The following IL1RAPL1 variants were observed in gnomAD, a reference collection of about 807,000 sequenced individuals.
IL1RAPL1 encodes the protein interleukin 1 receptor accessory protein like 1, also known as interleukin-1 receptor accessory protein-like 1.
A neutral mutation model predicts 48.4 loss-of-function variants in IL1RAPL1; 3 were observed. That is an observed-to-expected ratio of 0.06 (90% CI 0.03 to 0.16). The LOEUF (loss-of-function observed/expected upper bound fraction) is 0.16. Among genes scored for constraint, IL1RAPL1 ranks in the 10% least tolerant of loss-of-function variants. The pLI is 1.00. For missense variants in IL1RAPL1, 349 were observed against 530.6 expected (o/e 0.66, Z 3.36); for synonymous variants, 185 against 187.7 (o/e 0.99, Z 0.12).
At chrX:29,425,780 G>T (rs1163126847) in intron 5 of IL1RAPL1, among the ~76,000 whole-genome samples, 2 of 109,141 alleles carry the variant, frequency 1.8e-5, no homozygotes, top group Non-Finnish European at 3.8e-5. Flanking sequence ...TTACCATGTT[G>T]CCCAGGCTAA....
At chrX:29,774,695 T>G (rs150145440) in intron 6 of IL1RAPL1, among the ~76,000 whole-genome samples, 3,076 of 111,750 alleles carry the variant, frequency 0.028, 83 homozygotes, top group African/African-American at 0.095. Flanking sequence ...TAGTTAAACC[T>G]TCTCTACCAA....
intron 8 of IL1RAPL1, among the ~76,000 whole-genome samples, chrX:29,938,099 C>T (rs1211901205): frequency 9.0e-6 from 1 of 111,331 alleles, no homozygotes; most frequent in Admixed American, 9.6e-5. Flanking sequence ...GTAGAGTATT[C>T]TAAGTAATGT....
At chrX:28,951,269 TA>T (rs778083709) in intron 2 of IL1RAPL1, among the ~76,000 whole-genome samples, 7 of 107,742 alleles carry the variant, frequency 6.5e-5, no homozygotes, top group African/African-American at 1.0e-4. Flanking sequence ...ACTTAAAGTA[TA>T]AAAAAAAATG....
rs1000392341 is a variant in IL1RAPL1 at position 28,669,347 on chromosome X, A to G, written c.-25+81300A>G. ...AAAATGTAGCCCCAAGGCCGGGCGCAGTGGCTCACACCTGTAATCTCAGCA... is the reference window on the plus strand; with the variant it reads ...AAAATGTAGCCCCAAGGCCGGGCGCGGTGGCTCACACCTGTAATCTCAGCA... On this transcript the variant is annotated intron_variant, in intron 1 of 10. Coordinates refer to ENST00000378993, the MANE Select transcript of IL1RAPL1 (RefSeq NM_014271.4). Among the ~76,000 whole-genome samples the G allele has an allele frequency of 1.2e-4, 13 of 110,782 alleles. 1 individual carries two copies. The highest frequency in any genetic ancestry group is 1.9e-4 in the Non-Finnish European group (10 of 53,019).
At chrX:28,953,713 T>A (rs889766677) in intron 2 of IL1RAPL1, among the ~76,000 whole-genome samples, 1 of 111,041 alleles carries the variant, frequency 9.0e-6, no homozygotes, top group African/African-American at 3.3e-5. Flanking sequence ...ATTCCACCTT[T>A]ATGAATTGTA....
chrX:28,971,712 G>A (rs772815816), intron 2 of IL1RAPL1, among the ~76,000 whole-genome samples: 1 of 111,365 alleles, frequency 9.0e-6, no homozygotes, highest in South Asian at 3.8e-4. Flanking sequence ...TGAGACATAC[G>A]TGAGAGAGTG....
At chrX:29,703,262 C>T (rs1201401697) in intron 6 of IL1RAPL1, among the ~76,000 whole-genome samples, 1 of 111,136 alleles carries the variant, frequency 9.0e-6, no homozygotes, top group African/African-American at 3.3e-5. Context: ...TAGAACATAC[C>T]GAAAAATATT....
chrX:29,399,548 C>T (rs1933962447), intron 5 of IL1RAPL1, among the ~76,000 whole-genome samples: 1 of 111,572 alleles, frequency 9.0e-6, no homozygotes, highest in South Asian at 3.7e-4. Context: ...GGGCCGGGCA[C>T]CGTGGCTCAT....
chrX:28,624,475 C>A (rs886879141), intron 1 of IL1RAPL1, among the ~76,000 whole-genome samples: 2 of 111,901 alleles, frequency 1.8e-5, no homozygotes, highest in African/African-American at 6.5e-5. Flanking sequence ...ACTAGACACA[C>A]GTACACATGC....
chrX:28,999,019 T>G (rs975799172), intron 2 of IL1RAPL1, among the ~76,000 whole-genome samples: 19 of 111,506 alleles, frequency 1.7e-4, no homozygotes, highest in Non-Finnish European at 3.6e-4. Flanking sequence ...GCTTTCCAAG[T>G]CCCTACAGAC....
chrX:29,310,149 C>CA (rs1932702060), intron 3 of IL1RAPL1, among the ~76,000 whole-genome samples: 1 of 48,082 alleles, frequency 2.1e-5, no homozygotes, highest in African/African-American at 8.5e-5. Flanking sequence ...AAAAAAAAAA[C>CA]AAAAAAAGGG....
At chrX:28,867,664 T>A (rs1922110963) in intron 2 of IL1RAPL1, among the ~76,000 whole-genome samples, 1 of 112,161 alleles carries the variant, frequency 8.9e-6, no homozygotes, top group Non-Finnish European at 1.9e-5. Context: ...AAGACTCAGA[T>A]GTTGCAGTTT....
At chrX:29,777,806 AATTGT>A (rs1317945723) in intron 6 of IL1RAPL1, among the ~76,000 whole-genome samples, 2 of 110,857 alleles carry the variant, frequency 1.8e-5, no homozygotes, top group African/African-American at 6.5e-5. Context: ...GATATAAATA[AATTGT>A]ATTGTTAATT....
In IL1RAPL1 at chrX:29,347,367, A is replaced by AT. The variant is rs201071541; in HGVS notation, c.363-48883dup. 8.4e-3 allele frequency among the ~76,000 whole-genome samples: 878 copies of AT among 104,172 alleles called. 9 individuals carry two copies. Among genetic ancestry groups the AT allele is most frequent in the African/African-American group, 0.029 (828 of 28,082 alleles). The allele number at this position is 104,172 out of a possible 115,157, so 90.5% of individuals were successfully genotyped here. On this transcript the variant is annotated intron_variant, in intron 3 of 10. Transcript: ENST00000378993. ...AGATCTTAGCAAACAGTATATGGTG[A>AT]TTTTTTTTCTTTCTTTTCTTTTCTT...
intron 1 of IL1RAPL1, among the ~76,000 whole-genome samples, chrX:28,654,604 T>C (rs957751263): frequency 8.9e-6 from 1 of 112,314 alleles, no homozygotes; most frequent in African/African-American, 3.2e-5. Context: ...TTGTCAAGAT[T>C]ATGTCAGCAA....
intron 1 of IL1RAPL1, among the ~76,000 whole-genome samples, chrX:28,774,231 T>C (rs1165298978): frequency 9.0e-6 from 1 of 111,111 alleles, no homozygotes; most frequent in African/African-American, 3.3e-5. Context: ...CTCCTAAATA[T>C]GTACCTGCAG....
intron 6 of IL1RAPL1, among the ~76,000 whole-genome samples, chrX:29,749,013 A>G (rs746359706): frequency 8.9e-6 from 1 of 112,884 alleles, no homozygotes; most frequent in South Asian, 3.6e-4. Flanking sequence ...CAAAGGACAT[A>G]TAGTGAGCAA....
At chrX:29,061,508 G>A (rs1487733049) in intron 2 of IL1RAPL1, among the ~76,000 whole-genome samples, 3 of 112,083 alleles carry the variant, frequency 2.7e-5, no homozygotes, top group Non-Finnish European at 5.6e-5. Flanking sequence ...GCCCATGCTG[G>A]AGTGCAGTGG....
chrX:29,049,436 C>T (rs1383475528), intron 2 of IL1RAPL1, among the ~76,000 whole-genome samples: 3 of 112,161 alleles, frequency 2.7e-5, no homozygotes, highest in Non-Finnish European at 5.6e-5. Flanking sequence ...CTACATATCT[C>T]AGCAGACAAT....
Sources: gnomAD v4.1 joint callset for allele counts (sites outside exome capture counted in the v4.1 genomes callset) on GRCh38, gnomAD v4.1.1 for gene constraint, MANE v1.5 for transcripts, NCBI Gene and HGNC (gene_info 2026-07-23, HGNC 2026-07-21) for gene names.